The following RALGPS2 variants were observed in gnomAD, a reference collection of about 807,000 sequenced individuals.
RALGPS2 encodes ras-specific guanine nucleotide-releasing factor RalGPS2.
In RALGPS2, 43 loss-of-function variants were observed where a neutral mutation model predicts 86.8. That is an observed-to-expected ratio of 0.50 (90% CI 0.39 to 0.64). RALGPS2 has a LOEUF of 0.64. RALGPS2 is among the 30% of genes least tolerant of loss of function. The probability of loss-of-function intolerance (pLI) is 0.00; values close to 1 mark genes in which losing one functional copy is unlikely to be tolerated. For missense variants in RALGPS2, 536 were observed against 694.6 expected (o/e 0.77, Z 2.57); for synonymous variants, 243 against 231.3 (o/e 1.05, Z -0.46).
At chr1:178,874,571 C>G (rs2102358482) in intron 8 of RALGPS2, among the ~76,000 whole-genome samples, 1 of 152,288 alleles carries the variant, frequency 6.6e-6, no homozygotes, top group Non-Finnish European at 1.5e-5. Context: ...CAAGGAATGA[C>G]ATTTTTTTGC....
At chr1:178,796,618 G>C (rs908814009) in intron 4 of RALGPS2, among the ~76,000 whole-genome samples, 1 of 151,740 alleles carries the variant, frequency 6.6e-6, no homozygotes, top group Admixed American at 6.6e-5. Flanking sequence ...TCTTCTATCT[G>C]TAGGTATCCC....
chr1:178,907,276 C>T (rs1660426923), intron 19 of RALGPS2, among the ~76,000 whole-genome samples: 1 of 152,076 alleles, frequency 6.6e-6, no homozygotes, highest in South Asian at 2.1e-4. Flanking sequence ...GAGCCTGAAG[C>T]TGGAACAAGC....
At chr1:178,749,546 G>A (rs1651531833) in intron 1 of RALGPS2, among the ~76,000 whole-genome samples, 1 of 152,194 alleles carries the variant, frequency 6.6e-6, no homozygotes, top group South Asian at 2.1e-4. Context: ...AAGAATAGGG[G>A]AAGGACAATG....
intron 1 of RALGPS2, among the ~76,000 whole-genome samples, chr1:178,730,534 C>G (rs1650276348): frequency 6.7e-6 from 1 of 149,734 alleles, no homozygotes; most frequent in Admixed American, 6.6e-5. Context: ...ACAAACTGTC[C>G]CAATATCATC....
chr1:178,833,725 A>C (rs2102249825), intron 8 of RALGPS2, among the ~76,000 whole-genome samples, 175 bp downstream of exon 8: 1 of 152,240 alleles, frequency 6.6e-6, no homozygotes, highest in Middle Eastern at 3.4e-3. Context: ...CCTGGAATGT[A>C]TTTTCATATT....
chr1:178,797,026 T>A (rs1222027187), intron 4 of RALGPS2, among the ~76,000 whole-genome samples: 1 of 152,228 alleles, frequency 6.6e-6, no homozygotes, highest in Non-Finnish European at 1.5e-5. Context: ...TAAATTTCAT[T>A]TAGCCTTTGC....
chr1:178,759,334 T>C (rs1264837081), intron 1 of RALGPS2, among the ~76,000 whole-genome samples: 3 of 152,140 alleles, frequency 2.0e-5, no homozygotes, highest in Non-Finnish European at 4.4e-5. Context: ...GACTGTCCTT[T>C]TCCCATTGCC....
In RALGPS2 at chr1:178,764,709, C is replaced by T. The variant is rs908293613; in HGVS notation, c.-83-11973C>T. 7.2e-5 allele frequency among the ~76,000 whole-genome samples: 11 copies of T among 152,250 alleles called. No individual in the cohort carries two copies. In the East Asian group the frequency reaches 9.7e-4, roughly 13 times the overall value. ...TCTGAAACAGATATTATTTCTTCTT[C>T]GCTTATGAAGCTTAGTTTGGCTAGA... On this transcript the variant is annotated intron_variant, in intron 1 of 19. Transcript: ENST00000367635.
intron 8 of RALGPS2, among the ~76,000 whole-genome samples, chr1:178,837,523 C>T (rs1656338539): frequency 6.6e-6 from 1 of 152,116 alleles, no homozygotes; most frequent in Admixed American, 6.5e-5. Context: ...GAGGGTTACC[C>T]AAGAATTAGA....
chr1:178,746,821 CTCCATTGTATCTT>C lies in RALGPS2; in HGVS notation c.-84+21403_-84+21415del. 4 of 1,136,278 alleles carry C rather than the reference CTCCATTGTATCTT, an allele frequency of 3.5e-6. No homozygotes were observed. The South Asian group carries it at 4.9e-5, about 14-fold the overall frequency. The allele number at this position is 1,136,278 out of a possible 1,614,324, so 70.4% of individuals were successfully genotyped here. A position where few individuals can be genotyped will look rare whatever the true frequency, so the allele number is the denominator to read the frequency against. ...TCCGTAGAACACTCTCATTGTTCTCCTCCATTGTATCTTGCATTTTAGAGGAAAGTCCTGTACG... is the reference window on the plus strand; with the variant it reads ...TCCGTAGAACACTCTCATTGTTCTCCGCATTTTAGAGGAAAGTCCTGTACG... On this transcript the variant is annotated intron_variant, in intron 1 of 19. Coordinates refer to ENST00000367635, the MANE Select transcript of RALGPS2 (RefSeq NM_152663.5).
At chr1:178,812,144 A>G (rs1655014620) in intron 6 of RALGPS2, among the ~76,000 whole-genome samples, 1 of 152,174 alleles carries the variant, frequency 6.6e-6, no homozygotes, top group Admixed American at 6.5e-5. Context: ...AACTCAAAGC[A>G]GGGCCAAATG....
chr1:178,802,992 G>A (rs1462197674), intron 4 of RALGPS2, among the ~76,000 whole-genome samples: 1 of 152,010 alleles, frequency 6.6e-6, no homozygotes, highest in Non-Finnish European at 1.5e-5. Flanking sequence ...CTGTGTATGA[G>A]TGGACCCACA....
intron 1 of RALGPS2, among the ~76,000 whole-genome samples, chr1:178,757,481 T>C (rs746676117): frequency 2.6e-5 from 4 of 152,168 alleles, no homozygotes; most frequent in Non-Finnish European, 5.9e-5. Flanking sequence ...GCCTAGTTTT[T>C]TTGAGGGTTT....
intron 4 of RALGPS2, among the ~76,000 whole-genome samples, chr1:178,791,389 A>C (rs1023193193): frequency 6.6e-6 from 1 of 150,876 alleles, no homozygotes; most frequent in African/African-American, 2.4e-5. Flanking sequence ...TCGGCTTCCC[A>C]AAGTGCTGGG....
At chr1:178,908,332 A>G (rs892253198) in intron 19 of RALGPS2, among the ~76,000 whole-genome samples, 1 of 152,118 alleles carries the variant, frequency 6.6e-6, no homozygotes, top group Non-Finnish European at 1.5e-5. Context: ...TATCCAATCC[A>G]CTGTTGACAG....
At chr1:178,765,618 G>A (rs751044854) in intron 1 of RALGPS2, among the ~76,000 whole-genome samples, 6 of 152,182 alleles carry the variant, frequency 3.9e-5, no homozygotes, top group Admixed American at 1.3e-4. Context: ...GCAGATAACC[G>A]GTCTGACCAA....
chr1:178,750,577 A>G (rs577952085), intron 1 of RALGPS2, among the ~76,000 whole-genome samples: 1 of 152,228 alleles, frequency 6.6e-6, no homozygotes, highest in Non-Finnish European at 1.5e-5. Context: ...GAATAAGGCA[A>G]CCTTAGCTTT....
At chr1:178,831,416 T>C (rs1656011667) in intron 7 of RALGPS2, among the ~76,000 whole-genome samples, 1 of 152,160 alleles carries the variant, frequency 6.6e-6, no homozygotes, top group Admixed American at 6.5e-5. Flanking sequence ...CTGGGGTGAC[T>C]GACATGAGCG....
chr1:178,911,475 A>G (rs1165707176), intron 19 of RALGPS2, among the ~76,000 whole-genome samples: 1 of 152,172 alleles, frequency 6.6e-6, no homozygotes, highest in African/African-American at 2.4e-5. Flanking sequence ...TTTACCCAAA[A>G]GTCATTTGGA....
Sources: allele counts gnomAD v4.1 joint callset (sites outside exome capture counted in the v4.1 genomes callset), GRCh38; gene constraint gnomAD v4.1.1; transcripts MANE v1.5; gene names NCBI Gene and HGNC (gene_info 2026-07-23, HGNC 2026-07-21).